MAP2K5: variants seen among roughly 807,000 people sequenced by gnomAD.
MAP2K5 encodes the protein dual specificity mitogen-activated protein kinase kinase 5.
MAP2K5 carries 49 observed loss-of-function variants against 83.1 expected under a neutral mutation model. The ratio of observed to expected loss-of-function variants is 0.59; its 90% CI spans 0.47 to 0.75. MAP2K5 has a LOEUF of 0.75. Ranked by LOEUF, MAP2K5 falls within the 30% of genes least tolerant of loss-of-function variation. The pLI is 0.00. For synonymous variants in MAP2K5, 202 were observed against 191.8 expected (o/e 1.05, Z -0.44); for missense variants, 457 against 557.5 (o/e 0.82, Z 1.82).
intron 12 of MAP2K5, among the ~76,000 whole-genome samples, chr15:67,663,214 A>T (rs772315390): frequency 6.6e-6 from 1 of 152,236 alleles, no homozygotes; most frequent in African/African-American, 2.4e-5. Context: ...TAGTATCGAT[A>T]CAATACTGTT....
At chr15:67,763,648 AT>A (rs34984883) in intron 19 of MAP2K5, among the ~76,000 whole-genome samples, 66 of 147,436 alleles carry the variant, frequency 4.5e-4, no homozygotes, top group Middle Eastern at 7.1e-3. Flanking sequence ...TGTTTTTTAG[AT>A]TTTTTTTTTT....
chr15:67,722,180 T>C lies in MAP2K5; in HGVS notation c.1045-5736T>C, dbSNP rs145229568. Among the ~76,000 whole-genome samples the C allele has an allele frequency of 1.3e-5, 2 of 152,268 alleles. No homozygotes were observed. The highest frequency in any genetic ancestry group is 4.8e-5 in the African/African-American group (2 of 41,560). On this transcript the variant is annotated intron_variant, in intron 16 of 21. Coordinates refer to ENST00000178640, the MANE Select transcript of MAP2K5 (RefSeq NM_145160.3). This position sits in a 1 kb window ranked among gnomAD's most constrained non-coding sequence, Gnocchi z 4.2. ...TTCATCAGTCTCTGTTACTCGCACT[T>C]ATGCCCCTCCACAGGGGTTGCAGAT... is the stretch of plus-strand genomic sequence containing the variant.
chr15:67,630,900 C>G lies in MAP2K5; in HGVS notation c.558C>G (p.Val186=). The part of the protein sequence containing the change: ...NGGTVYKAYH[V]PSGKILAVKV... ...TTTCTTCCCATAGAGCATATCATGT[C>G]CCGAGTGGGAAAATATTAGCTGTAA... Residue 186 remains valine (V), a synonymous_variant, in exon 9 of 22, where the codon GTC becomes GTG. Coordinates refer to ENST00000178640, the MANE Select transcript of MAP2K5 (RefSeq NM_145160.3). The G allele has an allele frequency of 6.2e-7, 1 of 1,609,130 alleles. No homozygotes were observed. The highest frequency in any genetic ancestry group is 8.5e-7 in the Non-Finnish European group (1 of 1,177,062).
intron 16 of MAP2K5, among the ~76,000 whole-genome samples, chr15:67,707,418 G>A (rs938876): frequency 0.017 from 2,619 of 152,288 alleles, 89 homozygotes; most frequent in African/African-American, 0.06. Context: ...GAGGAACAAA[G>A]TGCATTCTGT....
rs1256748236 is a variant in MAP2K5 at position 67,760,935 on chromosome 15, T to G, written c.1135-8667T>G. Among the ~76,000 whole-genome samples, 1 of 152,178 alleles carries G rather than the reference T, an allele frequency of 6.6e-6. No homozygotes were observed. The highest frequency in any genetic ancestry group is 2.4e-5 in the African/African-American group (1 of 41,450). On this transcript the variant is annotated intron_variant, in intron 19 of 21. Transcript: ENST00000178640. This position sits in a 1 kb window ranked among gnomAD's most constrained non-coding sequence, Gnocchi z 4.1. ...GGCACTGCTCTGCTTCACTGCCGAG[T>G]TGCTGTAATCGTTTTGCCGGCTGTT...
intron 13 of MAP2K5, among the ~76,000 whole-genome samples, chr15:67,673,036 C>T (rs181345108): frequency 1.3e-5 from 2 of 152,202 alleles, no homozygotes; most frequent in African/African-American, 4.8e-5. Flanking sequence ...TGTTTTGGTA[C>T]CAGTACCATG....
intron 1 of MAP2K5, among the ~76,000 whole-genome samples, chr15:67,545,070 C>T (rs2583587): frequency 0.29 from 43,476 of 151,980 alleles, 6,737 homozygotes; most frequent in East Asian, 0.4. Context: ...GCCTCACTTA[C>T]ATAGGTTGAT....
chr15:67,585,584 T>G (rs1463865955), intron 4 of MAP2K5, among the ~76,000 whole-genome samples: 3 of 152,214 alleles, frequency 2.0e-5, no homozygotes, highest in African/African-American at 7.2e-5. Context: ...GAGGACAGAT[T>G]GCAGAAATTT....
rs929599867 is a variant in MAP2K5, at chr15:67,717,435, A to T, written c.1045-10481A>T. 1.3e-5 allele frequency among the ~76,000 whole-genome samples: 2 copies of T among 152,234 alleles called. No individual in the cohort carries two copies. The highest frequency in any genetic ancestry group is 2.9e-5 in the Non-Finnish European group (2 of 68,030). On this transcript the variant is annotated intron_variant, in intron 16 of 21. Transcript: ENST00000178640. This position sits in a 1 kb window ranked among gnomAD's most constrained non-coding sequence, Gnocchi z 4.1. ...CAGTAAGGGTACATACTTTGCCCTC[A>T]GTGACTCCTTGACTAATAGGTAGAA...
chr15:67,659,045 G>T, intron 12 of MAP2K5: 1 of 236,156 alleles, frequency 4.2e-6, no homozygotes, highest in South Asian at 5.0e-5. Context: ...ATTTTTTGCA[G>T]TCTTTTTATG....
intron 16 of MAP2K5, among the ~76,000 whole-genome samples, chr15:67,703,719 G>A (rs1428083550): frequency 6.6e-6 from 1 of 152,152 alleles, no homozygotes; most frequent in Non-Finnish European, 1.5e-5. Context: ...TTGTTAACCT[G>A]TTCCCTGGGT....
intron 8 of MAP2K5, among the ~76,000 whole-genome samples, chr15:67,621,434 G>GAAAAAAAAA (rs11449678): frequency 5.0e-5 from 6 of 118,940 alleles, no homozygotes; most frequent in Non-Finnish European, 8.5e-5. Context: ...ACAAAAGTTT[G>GAAAAAAAAA]AAAAAAAAAA....
chr15:67,731,804 A>C (rs996074807), intron 17 of MAP2K5, among the ~76,000 whole-genome samples: 7 of 152,158 alleles, frequency 4.6e-5, no homozygotes, highest in African/African-American at 1.7e-4. Flanking sequence ...TCGTTTGGCT[A>C]TTCATACCCC....
At chr15:67,571,178 C>T (rs1384815397) in intron 3 of MAP2K5, among the ~76,000 whole-genome samples, 1 of 152,158 alleles carries the variant, frequency 6.6e-6, no homozygotes, top group Non-Finnish European at 1.5e-5. Context: ...AGGCATAGTC[C>T]TTTTTGAAAA....
Position 67,646,448 on chromosome 15 carries a change from A to G in MAP2K5, c.715A>G (p.Ile239Val), listed in dbSNP as rs753508738. The G allele has an allele frequency of 1.3e-6, 2 of 1,594,312 alleles. No individual in the cohort carries two copies. The highest frequency in any genetic ancestry group is 1.1e-5 in the South Asian group (1 of 89,834). Residue 239 changes from isoleucine to valine, a missense_variant, in exon 11 of 22, where the codon ATA becomes GTA. Ile to Val is a conservative substitution (Grantham distance 29). Coordinates refer to ENST00000178640, the MANE Select transcript of MAP2K5 (RefSeq NM_145160.3). Reference protein sequence around the residue: ...GAFFVENRISICTEFMDGGSL... With the variant: ...GAFFVENRISVCTEFMDGGSL... Reference sequence around the variant, plus strand: ...ATTTTTTGTAGAAAACAGGATTTCAATATGTACAGAATTCATGGATGGTGA... The same window carrying G: ...ATTTTTTGTAGAAAACAGGATTTCAGTATGTACAGAATTCATGGATGGTGA...
At chr15:67,612,736 G>A (rs535040281) in intron 8 of MAP2K5, among the ~76,000 whole-genome samples, 1 of 152,268 alleles carries the variant, frequency 6.6e-6, no homozygotes, top group Non-Finnish European at 1.5e-5. Flanking sequence ...CCATTTCTTT[G>A]CAGAATGGTA....
chr15:67,805,155 G>A (rs1236028416), intron 21 of MAP2K5, among the ~76,000 whole-genome samples: 4 of 152,348 alleles, frequency 2.6e-5, no homozygotes, highest in South Asian at 2.1e-4. Flanking sequence ...TGGCATCTTC[G>A]AAGCCGAGTT....
At chr15:67,752,041 G>A (rs565027550) in intron 19 of MAP2K5, among the ~76,000 whole-genome samples, 4 of 152,046 alleles carry the variant, frequency 2.6e-5, no homozygotes, top group Admixed American at 1.3e-4. Flanking sequence ...GTCTGTCTTC[G>A]GTGTTTTTTG....
At chr15:67,765,919 A>T (rs2090032854) in intron 19 of MAP2K5, among the ~76,000 whole-genome samples, 1 of 152,240 alleles carries the variant, frequency 6.6e-6, no homozygotes, top group South Asian at 2.1e-4. Context: ...ATAATTAATA[A>T]TTAAACAGTT....
Sources: gnomAD v4.1 joint callset for allele counts (sites outside exome capture counted in the v4.1 genomes callset) on GRCh38, gnomAD v4.1.1 for gene constraint, Gnocchi (gnomAD v3.1) non-coding constraint, MANE v1.5 for transcripts, NCBI Gene and HGNC (gene_info 2026-07-23, HGNC 2026-07-21) for gene names.